The following DGKD variants were observed in gnomAD, a reference collection of about 807,000 sequenced individuals.
DGKD encodes diacylglycerol kinase delta.
Under a neutral mutation model 154.4 loss-of-function variants are expected in DGKD, and 68 were observed. The observed-to-expected ratio is 0.44, with a 90% confidence interval of 0.36 to 0.54. The LOEUF is 0.54. Among genes scored for constraint, DGKD ranks in the 20% least tolerant of loss-of-function variants. DGKD has a pLI of 0.00. For synonymous variants in DGKD, 693 were observed against 638.0 expected (o/e 1.09, Z -1.30); for missense variants, 1,343 against 1,593.6 (o/e 0.84, Z 2.68).
chr2:233,430,370 G>A (rs528381490), intron 3 of DGKD, among the ~76,000 whole-genome samples: 18 of 152,300 alleles, frequency 1.2e-4, no homozygotes, highest in Admixed American at 3.3e-4. Context: ...CCTATACAGT[G>A]GAGTACTGTG....
At chr2:233,381,240 A>C (rs1453831842) in intron 1 of DGKD, among the ~76,000 whole-genome samples, 3 of 152,218 alleles carry the variant, frequency 2.0e-5, no homozygotes, top group African/African-American at 7.2e-5. Context: ...ACACTCCCTC[A>C]GCTTCTGCCA....
At chr2:233,429,265 A>G (rs1406208061) in intron 3 of DGKD, 7 of 985,262 alleles carry the variant, frequency 7.1e-6, no homozygotes, top group African/African-American at 3.5e-5. Context: ...ATCCTGTTGC[A>G]TGACTCCTAA....
rs1355261901 is a variant in DGKD, at chr2:233,441,687, C to A, written c.1086-200C>A. Reference sequence around the variant, plus strand: ...GCTGGTGGGAGCAGTTGGCTGGACCCCAGTGCTGCTGTCGTCCCTTTGACA... The same window carrying A: ...GCTGGTGGGAGCAGTTGGCTGGACCACAGTGCTGCTGTCGTCCCTTTGACA... On this transcript the variant is annotated intron_variant, in intron 9 of 29. Transcript: ENST00000264057. This position sits in a 1 kb window ranked among gnomAD's most constrained non-coding sequence, Gnocchi z 5.6. Among the ~76,000 whole-genome samples, 1 of 151,950 alleles carries A rather than the reference C, an allele frequency of 6.6e-6. No individual in the cohort carries two copies. Among genetic ancestry groups the A allele is most frequent in the African/African-American group, 2.4e-5 (1 of 41,338 alleles).
chr2:233,405,081 C>A lies in DGKD; in HGVS notation c.348+14598C>A, dbSNP rs912121854. Among the ~76,000 whole-genome samples, 10 of 151,950 alleles carry A rather than the reference C, an allele frequency of 6.6e-5. 1 individual carries two copies. Among genetic ancestry groups the A allele is most frequent in the African/African-American group, 2.2e-4 (9 of 41,360 alleles). ...AATGGATTGGCCAAATAATGGGGAT[C>A]AAAAATAAAGGGTGTTTTTATTATG... On this transcript the variant is annotated intron_variant, in intron 3 of 29. Coordinates refer to ENST00000264057, the MANE Select transcript of DGKD (RefSeq NM_152879.3).
At chr2:233,468,715 T>G (rs1290625847) in intron 29 of DGKD, among the ~76,000 whole-genome samples, 162 bp downstream of exon 29, 1 of 152,150 alleles carries the variant, frequency 6.6e-6, no homozygotes, top group African/African-American at 2.4e-5. Flanking sequence ...ATCTAGGCAG[T>G]GATGGCTCCA....
rs180685989 is a variant in DGKD at position 233,417,561 on chromosome 2, T to C, written c.349-16819T>C. Among the ~76,000 whole-genome samples the C allele has an allele frequency of 1.3e-3, 196 of 152,326 alleles. 1 individual carries two copies. Among genetic ancestry groups the C allele is most frequent in the Non-Finnish European group, 1.8e-3 (122 of 68,024 alleles). On this transcript the variant is annotated intron_variant, in intron 3 of 29. Transcript: ENST00000264057. ...TGAGGGTTTTTAGGAACTCAAAAATTGCATTATGGCAAAAATACCTGGAAG... is the reference window on the plus strand; with the variant it reads ...TGAGGGTTTTTAGGAACTCAAAAATCGCATTATGGCAAAAATACCTGGAAG...
At position 233,438,778 on chromosome 2, in the gene DGKD, CT is replaced by C. The variant is rs1559549803; in HGVS notation, c.1085+400del. Among the ~76,000 whole-genome samples the C allele has an allele frequency of 4.6e-5, 7 of 151,572 alleles. No individual in the cohort carries two copies. The highest frequency in any genetic ancestry group is 1.7e-4 in the African/African-American group (7 of 41,220). ...ATCATCTATCTATCTATCTATCTATCTATCTATCTATCTATCTATCTATCTA... is the reference window on the plus strand; with the variant it reads ...ATCATCTATCTATCTATCTATCTATCATCTATCTATCTATCTATCTATCTA... On this transcript the variant is annotated intron_variant, in intron 9 of 29. Transcript: ENST00000264057. This position sits in a 1 kb window ranked among gnomAD's most constrained non-coding sequence, Gnocchi z 4.1.
intron 1 of DGKD, among the ~76,000 whole-genome samples, chr2:233,381,947 A>C (rs949820650): frequency 6.6e-6 from 1 of 152,182 alleles, no homozygotes; most frequent in African/African-American, 2.4e-5. Context: ...GTGATATGCA[A>C]ATTGGGCCAG....
At chr2:233,382,135 G>C (rs1274976318) in intron 1 of DGKD, among the ~76,000 whole-genome samples, 2 of 152,220 alleles carry the variant, frequency 1.3e-5, no homozygotes, top group Non-Finnish European at 2.9e-5. Context: ...TCGGGAGGGT[G>C]AGGCAGGAGA....
At chr2:233,371,054 C>T (rs1397255198) in intron 1 of DGKD, among the ~76,000 whole-genome samples, 1 of 152,040 alleles carries the variant, frequency 6.6e-6, no homozygotes, top group Non-Finnish European at 1.5e-5. Context: ...GCCCAGCTGA[C>T]CTGTTTTCAT....
At chr2:233,447,977 C>T (rs72980357) in intron 12 of DGKD, 110 bp from the exon 13 acceptor site, 50,141 of 1,559,816 alleles carry the variant, frequency 0.032, 920 homozygotes, top group Non-Finnish European at 0.037. Context: ...AGGAGAGACT[C>T]ATCTTTCCCA....
Position 233,386,552 on chromosome 2 carries a change from AG to A in DGKD, c.157-1700del, listed in dbSNP as rs549506515. On this transcript the variant is annotated intron_variant, in intron 1 of 29. Transcript: ENST00000264057. ...TGGGGATCCCCGCTGTCTCTAGGGG[AG>A]GGGGTGGGGGTGGGGAGGTCACTTC... 0.01 allele frequency among the ~76,000 whole-genome samples: 38 copies of A among 3,634 alleles called. 1 individual carries two copies. In the South Asian group the frequency reaches 0.21, roughly 20 times the overall value. The allele number at this position is 3,634 out of a possible 152,430, so 2.4% of individuals were successfully genotyped here.
intron 3 of DGKD, among the ~76,000 whole-genome samples, chr2:233,422,425 A>G (rs1252734811): frequency 1.3e-5 from 2 of 151,970 alleles, no homozygotes; most frequent in Non-Finnish European, 1.5e-5. Context: ...GGTCCATGAC[A>G]CTCCTGCGTG....
chr2:233,408,489 C>T (rs376274798), intron 3 of DGKD, among the ~76,000 whole-genome samples: 1 of 152,220 alleles, frequency 6.6e-6, no homozygotes. Flanking sequence ...GTTGGGAAGC[C>T]CCACGTTCGT....
intron 3 of DGKD, among the ~76,000 whole-genome samples, chr2:233,416,264 G>A (rs1254341472): frequency 6.6e-6 from 1 of 152,110 alleles, no homozygotes; most frequent in Non-Finnish European, 1.5e-5. Flanking sequence ...TTTGTTTTCT[G>A]TGTGGTAGCC....
chr2:233,382,131 G>C (rs1483909914), intron 1 of DGKD, among the ~76,000 whole-genome samples: 1 of 152,202 alleles, frequency 6.6e-6, no homozygotes, highest in Admixed American at 6.5e-5. Flanking sequence ...CTACTCGGGA[G>C]GGTGAGGCAG....
At position 233,425,779 on chromosome 2, in the gene DGKD, G is replaced by A. The variant is rs896319989; in HGVS notation, c.349-8601G>A. 4.6e-5 allele frequency among the ~76,000 whole-genome samples: 7 copies of A among 152,196 alleles called. No individual in the cohort carries two copies. In the South Asian group the frequency reaches 1.0e-3, roughly 23 times the overall value. ...GAATGTACTGTCATTACTGTAGCCA[G>A]TCTCTACCAGCCTTATATTGATCAC... On this transcript the variant is annotated intron_variant, in intron 3 of 29. Transcript: ENST00000264057.
intron 27 of DGKD, among the ~76,000 whole-genome samples, chr2:233,465,268 A>C (rs1044826637): frequency 1.3e-5 from 2 of 152,234 alleles, no homozygotes; most frequent in African/African-American, 4.8e-5. Flanking sequence ...ACAATGATTC[A>C]ACAGATGTCA....
chr2:233,467,591 T>C (rs567452792), intron 28 of DGKD, among the ~76,000 whole-genome samples: 1 of 152,298 alleles, frequency 6.6e-6, no homozygotes, highest in South Asian at 2.1e-4. Flanking sequence ...ATTGATGCAT[T>C]GGTCGAGGTT....
Sources: allele counts gnomAD v4.1 joint callset (sites outside exome capture counted in the v4.1 genomes callset), GRCh38; gene constraint gnomAD v4.1.1; non-coding constraint Gnocchi (gnomAD v3.1); transcripts MANE v1.5; gene names NCBI Gene and HGNC (gene_info 2026-07-23, HGNC 2026-07-21).